The following ARID2 variants were observed in gnomAD, a reference collection of about 807,000 sequenced individuals.
ARID2 encodes AT-rich interactive domain-containing protein 2.
ARID2 carries 32 observed loss-of-function variants against 184.6 expected under a neutral mutation model. The ratio of observed to expected loss-of-function variants is 0.17; its 90% CI spans 0.13 to 0.23. The LOEUF (loss-of-function observed/expected upper bound fraction) is 0.23, where lower values mean the gene tolerates loss of function less well. Ranked by LOEUF, ARID2 falls within the 10% of genes least tolerant of loss-of-function variation. ARID2 has a pLI of 1.00. For synonymous variants in ARID2, 836 were observed against 772.6 expected, an observed-to-expected ratio of 1.08 and a Z score of -1.36; for missense variants, 1,696 against 2,197.6, an observed-to-expected ratio of 0.77 and a Z score of 4.56.
chr12:45,771,353 T>C (rs1343077356), intron 3 of ARID2, among the ~76,000 whole-genome samples: 1 of 129,910 alleles, frequency 7.7e-6, no homozygotes, highest in Non-Finnish European at 1.6e-5. Context: ...TGAGAGTCCA[T>C]GTCAAAAAAA....
chr12:45,849,084 G>GT, intron 13 of ARID2, 114 bp downstream of exon 13: 7 of 1,206,814 alleles, frequency 5.8e-6, no homozygotes, highest in Non-Finnish European at 7.9e-6. Context: ...ACTACTAGAA[G>GT]TTTCGTATGG....
intron 3 of ARID2, among the ~76,000 whole-genome samples, chr12:45,802,674 C>T (rs1358796294): frequency 1.3e-5 from 2 of 151,934 alleles, no homozygotes; most frequent in African/African-American, 4.8e-5. Context: ...AGATTGGCAT[C>T]ACTTATAAAT....
intron 3 of ARID2, among the ~76,000 whole-genome samples, chr12:45,808,240 T>C (rs973785605): frequency 1.3e-5 from 2 of 152,200 alleles, no homozygotes; most frequent in African/African-American, 4.8e-5. Context: ...GTGTTTTAGC[T>C]GTGTTCTCTG....
intron 6 of ARID2, among the ~76,000 whole-genome samples, chr12:45,830,441 A>C (rs1431516717): frequency 1.3e-5 from 2 of 152,252 alleles, no homozygotes; most frequent in Admixed American, 1.3e-4. Flanking sequence ...CATTATTTTT[A>C]ACCCAAAACT....
chr12:45,873,934 TG>T (rs1943967247), intron 16 of ARID2: 1 of 152,250 alleles, frequency 6.6e-6, no homozygotes, highest in Admixed American at 6.5e-5. Context: ...TAATGAAGTT[TG>T]CCACATCACT....
At position 45,870,153 on chromosome 12, in the gene ARID2, C is replaced by CT. The variant is rs1429380007; in HGVS notation, c.4922+9211dup. Among the ~76,000 whole-genome samples, 7 of 151,766 alleles carry CT rather than the reference C, an allele frequency of 4.6e-5. No individual in the cohort carries two copies. The East Asian group carries it at 1.2e-3, about 26-fold the overall frequency. ...GGCGCCCGCCACCATGCCCTGCTAA[C>CT]TTTTTTTGTATTTTTAGTAGAGAAC... On this transcript the variant is annotated intron_variant, in intron 16 of 20. Coordinates refer to ENST00000334344, the MANE Select transcript of ARID2 (RefSeq NM_152641.4).
chr12:45,751,660 C>A (rs1044376267), intron 3 of ARID2, among the ~76,000 whole-genome samples: 2 of 152,188 alleles, frequency 1.3e-5, no homozygotes, highest in Non-Finnish European at 2.9e-5. Flanking sequence ...TGTACTTACA[C>A]AAACCTAGCT....
Position 45,777,940 on chromosome 12 carries a change from T to C in ARID2, c.285-33478T>C, listed in dbSNP as rs1422546598. ...GTTAAAACCGGCCAGGCCCAGTGGC[T>C]CACGCCTGTAATCCCAGCACTTTGG... On this transcript the variant is annotated intron_variant, in intron 3 of 20. Coordinates refer to ENST00000334344, the MANE Select transcript of ARID2 (RefSeq NM_152641.4). 2.0e-5 allele frequency among the ~76,000 whole-genome samples: 3 copies of C among 152,138 alleles called. No individual in the cohort carries two copies. In the East Asian group the frequency reaches 5.8e-4, roughly 29 times the overall value.
At chr12:45,849,095 A>G in intron 13 of ARID2, 125 bp downstream of exon 13, 1 of 1,098,330 alleles carries the variant, frequency 9.1e-7, no homozygotes, top group South Asian at 1.8e-5. Flanking sequence ...TTTCGTATGG[A>G]TAGGTTATAG....
At chr12:45,837,283 G>A (rs772469206) in intron 8 of ARID2, 38 bp from the exon 9 acceptor site, 1 of 1,483,712 alleles carries the variant, frequency 6.7e-7, no homozygotes, top group Middle Eastern at 2.4e-4. Context: ...AACTCTGGAA[G>A]AAGCATAGCT....
At chr12:45,743,584 C>G (rs943611264) in intron 3 of ARID2, among the ~76,000 whole-genome samples, 13 of 151,990 alleles carry the variant, frequency 8.6e-5, no homozygotes, top group Non-Finnish European at 4.4e-5. Flanking sequence ...TCTCATAGTT[C>G]TTTTTTACAA....
intron 20 of ARID2, among the ~76,000 whole-genome samples, chr12:45,900,376 T>C (rs1944442523): frequency 6.6e-6 from 1 of 152,180 alleles, no homozygotes; most frequent in South Asian, 2.1e-4. Context: ...GTCTCTGTAT[T>C]AGGCCCATAA....
chr12:45,758,841 T>G (rs996276787), intron 3 of ARID2, among the ~76,000 whole-genome samples: 5 of 152,160 alleles, frequency 3.3e-5, no homozygotes, highest in Admixed American at 6.5e-5. Flanking sequence ...CTATTCACAT[T>G]CCACTGGTCA....
chr12:45,822,158 G>T (rs1942910630), intron 6 of ARID2, among the ~76,000 whole-genome samples: 1 of 151,940 alleles, frequency 6.6e-6, no homozygotes, highest in South Asian at 2.1e-4. Flanking sequence ...CTTCATTCTT[G>T]CTGCAACTTC....
chr12:45,904,689 CAAAA>C (rs755707280), intron 20 of ARID2, among the ~76,000 whole-genome samples: 3 of 35,682 alleles, frequency 8.4e-5, no homozygotes, highest in African/African-American at 1.4e-4. Context: ...GACTCCTTCT[CAAAA>C]AAAAAAAAAA....
At chr12:45,886,285 A>G (rs914317980) in intron 16 of ARID2, among the ~76,000 whole-genome samples, 3 of 152,094 alleles carry the variant, frequency 2.0e-5, no homozygotes, top group Non-Finnish European at 2.9e-5. Flanking sequence ...ATCTCCTTTG[A>G]CTCCATGTTT....
chr12:45,777,441 A>G (rs1455735071), intron 3 of ARID2, among the ~76,000 whole-genome samples: 3 of 152,176 alleles, frequency 2.0e-5, no homozygotes, highest in Admixed American at 6.5e-5. Context: ...TATAGAAGAT[A>G]CAATCACATT....
At chr12:45,740,739 C>T (rs1941237263) in intron 3 of ARID2, among the ~76,000 whole-genome samples, 1 of 152,144 alleles carries the variant, frequency 6.6e-6, no homozygotes, top group African/African-American at 2.4e-5. Flanking sequence ...CATTCATTAT[C>T]TTGTATTGCA....
At chr12:45,826,541 A>G (rs901389319) in intron 6 of ARID2, among the ~76,000 whole-genome samples, 1 of 151,990 alleles carries the variant, frequency 6.6e-6, no homozygotes, top group African/African-American at 2.4e-5. Context: ...CAGGCTCCCA[A>G]GTAGCTAAGA....
Sources: gnomAD v4.1 joint callset for allele counts (sites outside exome capture counted in the v4.1 genomes callset) on GRCh38, gnomAD v4.1.1 for gene constraint, MANE v1.5 for transcripts, NCBI Gene and HGNC (gene_info 2026-07-23, HGNC 2026-07-21) for gene names.